SNX25: variants seen among roughly 807,000 people sequenced by gnomAD.
SNX25 encodes the protein sorting nexin 25, also known as sorting nexin-25.
Under a neutral mutation model 113.7 loss-of-function variants are expected in SNX25, and 62 were observed. The ratio of observed to expected loss-of-function variants is 0.55; its 90% CI spans 0.44 to 0.67. The LOEUF is 0.67. Among genes scored for constraint, SNX25 ranks in the 30% least tolerant of loss-of-function variants. The pLI is 0.00. For synonymous variants in SNX25, 421 were observed against 436.2 expected, an observed-to-expected ratio of 0.97 and a Z score of 0.43; for missense variants, 1,014 against 1,161.0, an observed-to-expected ratio of 0.87 and a Z score of 1.84.
intron 1 of SNX25, among the ~76,000 whole-genome samples, chr4:185,219,149 C>A (rs1373552524): frequency 6.6e-6 from 1 of 152,176 alleles, no homozygotes; most frequent in Non-Finnish European, 1.5e-5. Context: ...TCCTCCAGAG[C>A]TGAATGTCTG....
At chr4:185,216,513 G>GTTTTTTTTTTTTTT (rs34410263) in intron 1 of SNX25, among the ~76,000 whole-genome samples, 1 of 96,732 alleles carries the variant, frequency 1.0e-5, no homozygotes, top group Non-Finnish European at 2.0e-5. Context: ...TGTGTATTTG[G>GTTTTTTTTTTTTTT]TTTTTTTTTT....
intron 1 of SNX25, among the ~76,000 whole-genome samples, chr4:185,235,762 T>C (rs3108280): frequency 0.65 from 98,520 of 152,092 alleles, 32,049 homozygotes; most frequent in East Asian, 0.75. Context: ...TAGCTGGGAT[T>C]GGTGTACACA....
chr4:185,363,425 T>C lies in SNX25; in HGVS notation c.2975T>C (p.Leu992Pro). The change falls in exon 19 of 19, where the codon CTG becomes CCG. Residue 992 changes from leucine (L) to proline (P), a missense_variant. By Grantham distance (98) the Leu-to-Pro change is moderately conservative (BLOSUM62 -3). Transcript: ENST00000652585. The surrounding 1 kb of genome is among the most constrained non-coding windows in gnomAD (Gnocchi z 4.2). ...ELLLIELCPE[L>P]RVHLDQLKAG... Reference sequence around the variant, plus strand: ...CTGCTAATTGAACTGTGTCCTGAGCTGAGAGTTCATTTAGATCAACTTAAA... The same window carrying C: ...CTGCTAATTGAACTGTGTCCTGAGCCGAGAGTTCATTTAGATCAACTTAAA... The C allele has an allele frequency of 6.2e-7, 1 of 1,614,166 alleles. No individual in the cohort carries two copies. The highest frequency in any genetic ancestry group is 8.5e-7 in the Non-Finnish European group (1 of 1,180,024).
chr4:185,351,691 T>C, intron 14 of SNX25, 82 bp downstream of exon 14: 1 of 1,429,068 alleles, frequency 7.0e-7, no homozygotes, highest in South Asian at 1.3e-5. Context: ...GGGAAGCAAA[T>C]CCCTCTATTT....
chr4:185,282,054 A>T (rs1191490061), intron 5 of SNX25, among the ~76,000 whole-genome samples: 1 of 152,192 alleles, frequency 6.6e-6, no homozygotes, highest in Non-Finnish European at 1.5e-5. Context: ...TTGGTTTTTC[A>T]TAAGCACTCG....
intron 1 of SNX25, among the ~76,000 whole-genome samples, chr4:185,239,499 A>G (rs1036321172): frequency 2.6e-5 from 4 of 152,130 alleles, no homozygotes; most frequent in African/African-American, 9.7e-5. Context: ...AAAAAAATAA[A>G]AGCTTTCAAG....
chr4:185,284,977 GGTAAGGAAACCTTAC>G (rs1277185136), intron 5 of SNX25, among the ~76,000 whole-genome samples: 2 of 152,132 alleles, frequency 1.3e-5, no homozygotes, highest in African/African-American at 4.8e-5. Flanking sequence ...GAAACGGAAA[GGTAAGGAAACCTTAC>G]TATGGAAGAA....
chr4:185,320,130 A>G (rs1325549415), intron 7 of SNX25, among the ~76,000 whole-genome samples: 1 of 152,234 alleles, frequency 6.6e-6, no homozygotes, highest in Non-Finnish European at 1.5e-5. Flanking sequence ...TACTGCATCT[A>G]TACCCAAGGG....
intron 1 of SNX25, among the ~76,000 whole-genome samples, chr4:185,243,160 C>G (rs531787934): frequency 6.6e-6 from 1 of 152,232 alleles, no homozygotes; most frequent in East Asian, 1.9e-4. Flanking sequence ...TCTCATAAAC[C>G]CATCTCCCTT....
chr4:185,269,708 C>G (rs1202873043), intron 5 of SNX25, among the ~76,000 whole-genome samples: 1 of 152,100 alleles, frequency 6.6e-6, no homozygotes, highest in African/African-American at 2.4e-5. Context: ...ATGGAGGAAA[C>G]AGAAAGGCAT....
intron 5 of SNX25, among the ~76,000 whole-genome samples, chr4:185,284,644 G>T (rs1305876037): frequency 3.3e-5 from 5 of 152,212 alleles, no homozygotes; most frequent in Non-Finnish European, 7.3e-5. Context: ...ACGTAGGCAG[G>T]AATGTGGGGT....
downstream of SNX25, chr4:185,370,785 A>G (rs1169512841): frequency 3.1e-6 from 5 of 1,614,096 alleles, no homozygotes; most frequent in African/African-American, 1.3e-5. Flanking sequence ...GATCATGGGG[A>G]TGTCGTGAAC....
chr4:185,311,246 A>G (rs779767719), intron 7 of SNX25, among the ~76,000 whole-genome samples: 1 of 152,228 alleles, frequency 6.6e-6, no homozygotes, highest in Non-Finnish European at 1.5e-5. Flanking sequence ...TTCATTGATG[A>G]AATGGTGGGT....
At chr4:185,255,219 C>T (rs979986054) in intron 2 of SNX25, among the ~76,000 whole-genome samples, 35 of 151,902 alleles carry the variant, frequency 2.3e-4, no homozygotes, top group African/African-American at 7.5e-4. Flanking sequence ...CTGCAACCTA[C>T]GCCTCCTGGG....
At chr4:185,341,782 C>T (rs1391677081) in intron 11 of SNX25, among the ~76,000 whole-genome samples, 194 bp from the exon 12 acceptor site, 1 of 152,154 alleles carries the variant, frequency 6.6e-6, no homozygotes, top group Non-Finnish European at 1.5e-5. Context: ...CCCAGGAAAT[C>T]CCCCTATTTT....
At position 185,210,424 on chromosome 4, in the gene SNX25, G is replaced by C. The variant is rs1579291032; in HGVS notation, c.429+169G>C. 7.3e-6 allele frequency among the ~76,000 whole-genome samples: 1 copy of C among 137,416 alleles called. No individual in the cohort carries two copies. Among genetic ancestry groups the C allele is most frequent in the South Asian group, 2.4e-4 (1 of 4,186 alleles). 90.2% of individuals were successfully genotyped at this position (137,416 alleles called of 152,430 possible). ...GCCGTGGACGCGAGCGTTCCCCGGC[G>C]CCCGCGCGCGGCGGGCTCCGGGCTC... On this transcript the variant is annotated intron_variant, in intron 1 of 18. Transcript: ENST00000652585. The surrounding 1 kb of genome is among the most constrained non-coding windows in gnomAD (Gnocchi z 4.4).
In SNX25 at chr4:185,300,527, G is replaced by A. The variant is rs543716869; in HGVS notation, c.1163-10108G>A. ...TTTGTCCATTCTAGAATTTAAAGGT[G>A]TCCCTGCCTGAAAAAAGAGAGCTAG... On this transcript the variant is annotated intron_variant, in intron 6 of 18. Transcript: ENST00000652585. Among the ~76,000 whole-genome samples the A allele has an allele frequency of 4.7e-4, 72 of 151,730 alleles. 2 individuals are homozygous for A. In the South Asian group the frequency reaches 0.015, roughly 31 times the overall value.
intron 5 of SNX25, among the ~76,000 whole-genome samples, chr4:185,271,500 C>T (rs1165104649): frequency 5.3e-5 from 8 of 152,288 alleles, no homozygotes; most frequent in Admixed American, 2.6e-4. Flanking sequence ...CCACTCGCCT[C>T]GGTCTCTCAA....
downstream of SNX25, chr4:185,365,715 A>C (rs1189585726): frequency 2.7e-5 from 4 of 150,660 alleles, no homozygotes; most frequent in Non-Finnish European, 5.9e-5. Flanking sequence ...TAATAATAAT[A>C]ATCTTTAGGA....
Sources: gnomAD v4.1 joint callset for allele counts (sites outside exome capture counted in the v4.1 genomes callset) on GRCh38, gnomAD v4.1.1 for gene constraint, Gnocchi (gnomAD v3.1) non-coding constraint, MANE v1.5 for transcripts, NCBI Gene and HGNC (gene_info 2026-07-23, HGNC 2026-07-21) for gene names.